The following CALU variants were observed in gnomAD, a reference collection of about 807,000 sequenced individuals.
The protein encoded by CALU is calumenin.
CALU carries 13 observed loss-of-function variants against 37.5 expected under a neutral mutation model. That is an observed-to-expected ratio of 0.35 (90% CI 0.23 to 0.55). CALU has a LOEUF of 0.55. CALU is among the 20% of genes least tolerant of loss of function. The pLI is 0.89. For missense variants in CALU, 282 were observed against 391.7 expected (o/e 0.72, Z 2.36); for synonymous variants, 114 against 133.8 (o/e 0.85, Z 1.02).
chr7:128,767,995 C>T (rs1204810425), intron 6 of CALU, among the ~76,000 whole-genome samples: 1 of 151,994 alleles, frequency 6.6e-6, no homozygotes, highest in South Asian at 2.1e-4. Flanking sequence ...TTACCTATTA[C>T]AGGCCCATTC....
At chr7:128,757,290 G>A (rs1800922100) in intron 3 of CALU, among the ~76,000 whole-genome samples, 1 of 151,938 alleles carries the variant, frequency 6.6e-6, no homozygotes, top group South Asian at 2.1e-4. Flanking sequence ...TTGTTTAGAA[G>A]AGACACTTTA....
In CALU at chr7:128,773,362, G is replaced by A. The variant is rs1222325216; in HGVS notation, c.*4195G>A. On this transcript the variant is annotated 3_prime_UTR_variant, in exon 7 of 7. Coordinates refer to ENST00000249364, the MANE Select transcript of CALU (RefSeq NM_001219.5). ...ACATAGGTAAACGTGTGCCATGGTG[G>A]TTTGCTGCACGAGTTTTTCAATAAA... is the stretch of plus-strand genomic sequence containing the variant. Among the ~76,000 whole-genome samples, 1 of 152,152 alleles carries A rather than the reference G, an allele frequency of 6.6e-6. No homozygotes were observed. The highest frequency in any genetic ancestry group is 2.4e-5 in the African/African-American group (1 of 41,430).
chr7:128,754,784 C>T (rs1475856224), intron 3 of CALU: 1 of 994,922 alleles, frequency 1.0e-6, no homozygotes, highest in Non-Finnish European at 1.5e-6. Flanking sequence ...ACAAATGGGT[C>T]ACACAGTAAA....
At chr7:128,760,577 T>C (rs1801072025) in intron 5 of CALU, among the ~76,000 whole-genome samples, 1 of 152,108 alleles carries the variant, frequency 6.6e-6, no homozygotes, top group South Asian at 2.1e-4. Flanking sequence ...ACAGCACAGA[T>C]ATAGTGTATC....
intron 5 of CALU, among the ~76,000 whole-genome samples, chr7:128,761,968 A>G (rs1340477950): frequency 1.3e-5 from 2 of 151,928 alleles, no homozygotes; most frequent in Non-Finnish European, 2.9e-5. Context: ...CCCTTTTCTT[A>G]GGTTCAGTGG....
At chr7:128,753,308 A>G (rs575733172) in intron 2 of CALU, among the ~76,000 whole-genome samples, 1 of 152,388 alleles carries the variant, frequency 6.6e-6, no homozygotes, top group African/African-American at 2.4e-5. Flanking sequence ...TTTGACTTCA[A>G]CTTCATATTC....
chr7:128,750,237 A>AAAAG (rs869115787), intron 2 of CALU, among the ~76,000 whole-genome samples: 1 of 99,986 alleles, frequency 1.0e-5, no homozygotes, highest in Non-Finnish European at 2.5e-5. Context: ...AAAAAAAAAA[A>AAAAG]AAAGAAAATA....
chr7:128,747,125 TTC>T (rs1270549338), intron 1 of CALU, among the ~76,000 whole-genome samples: 1 of 137,740 alleles, frequency 7.3e-6, no homozygotes, highest in East Asian at 1.9e-4. Flanking sequence ...ATTTTACCAA[TTC>T]TCTGTTTTTA....
At chr7:128,768,223 G>A (rs1042786264) in intron 6 of CALU, among the ~76,000 whole-genome samples, 9 of 151,954 alleles carry the variant, frequency 5.9e-5, no homozygotes, top group African/African-American at 1.5e-4. Flanking sequence ...GCTGAAAATC[G>A]GTCTAAAGAT....
intron 1 of CALU, chr7:128,747,893 G>A (rs1192906602): frequency 6.4e-6 from 1 of 155,896 alleles, no homozygotes; most frequent in African/African-American, 2.4e-5. Context: ...GCAAGTATGG[G>A]AAACAACTGT....
intron 2 of CALU, among the ~76,000 whole-genome samples, chr7:128,750,082 G>A (rs1233083060): frequency 6.6e-6 from 1 of 151,948 alleles, no homozygotes; most frequent in Non-Finnish European, 1.5e-5. Context: ...AAAAAAATTA[G>A]CCGGGCGTGG....
rs1164775570 is a variant in CALU at position 128,772,242 on chromosome 7, T to C, written c.*3075T>C. 6.6e-6 allele frequency among the ~76,000 whole-genome samples: 1 copy of C among 152,170 alleles called. No homozygotes were observed. Among genetic ancestry groups the C allele is most frequent in the Admixed American group, 6.5e-5 (1 of 15,286 alleles). Reference sequence around the variant, plus strand: ...TGAAAACTTAAAGCATATTCCTTTTTGGTTGCCTTGTATGTAGAAATCAGT... The same window carrying C: ...TGAAAACTTAAAGCATATTCCTTTTCGGTTGCCTTGTATGTAGAAATCAGT... On this transcript the variant is annotated 3_prime_UTR_variant, in exon 7 of 7. Coordinates refer to ENST00000249364, the MANE Select transcript of CALU (RefSeq NM_001219.5).
intron 2 of CALU, among the ~76,000 whole-genome samples, chr7:128,751,074 G>A (rs1209666830): frequency 6.6e-6 from 1 of 151,886 alleles, no homozygotes; most frequent in Non-Finnish European, 1.5e-5. Flanking sequence ...CAGTTTATGA[G>A]GTCAAGAGAT....
intron 5 of CALU, among the ~76,000 whole-genome samples, chr7:128,767,211 G>C (rs981427964): frequency 6.6e-6 from 1 of 152,226 alleles, no homozygotes; most frequent in African/African-American, 2.4e-5. Flanking sequence ...CATTTATTAA[G>C]GTATAAGAAC....
rs2128884930 is a variant in CALU at position 128,771,847 on chromosome 7, A to G, written c.*2680A>G. 1 of 152,520 alleles carries G rather than the reference A, an allele frequency of 6.6e-6. No homozygotes were observed. Among genetic ancestry groups the G allele is most frequent in the Admixed American group, 6.5e-5 (1 of 15,320 alleles). The allele number at this position is 152,520 out of a possible 1,614,324, so 9.4% of individuals were successfully genotyped here. ...TTACAAATGTTATTAAAACATGCAA[A>G]TTCATTTTGAGAACCTCGAGAGAAT... On this transcript the variant is annotated 3_prime_UTR_variant, in exon 7 of 7. Coordinates refer to ENST00000249364, the MANE Select transcript of CALU (RefSeq NM_001219.5).
intron 3 of CALU, among the ~76,000 whole-genome samples, chr7:128,755,817 A>G (rs1402645882): frequency 1.3e-5 from 2 of 152,178 alleles, no homozygotes; most frequent in Non-Finnish European, 2.9e-5. Context: ...AATGAATATA[A>G]ATGGTACTTT....
At chr7:128,748,452 A>G in intron 1 of CALU, 121 bp from the exon 2 acceptor site, 2 of 1,197,402 alleles carry the variant, frequency 1.7e-6, no homozygotes, top group South Asian at 1.4e-5. Flanking sequence ...GGGATAATAT[A>G]AAAGACTTGC....
chr7:128,769,726 A>G lies in CALU; in HGVS notation c.*559A>G, dbSNP rs1443509108. ...ACATTCAGTTGCTATAGGTCCAGCA[A>G]CTGAACCTGCCATTACCTGGGCAAG... is the stretch of plus-strand genomic sequence containing the variant. On this transcript the variant is annotated 3_prime_UTR_variant, in exon 7 of 7. Transcript: ENST00000249364. 6.6e-6 allele frequency: 1 copy of G among 152,244 alleles called. No homozygotes were observed. The highest frequency in any genetic ancestry group is 1.5e-5 in the Non-Finnish European group (1 of 68,076). 9.4% of individuals were successfully genotyped at this position (152,244 alleles called of 1,614,324 possible). A position where few individuals can be genotyped will look rare whatever the true frequency, so the allele number is the denominator to read the frequency against.
intron 5 of CALU, among the ~76,000 whole-genome samples, chr7:128,764,149 C>T (rs1004643292): frequency 7.2e-5 from 11 of 151,954 alleles, no homozygotes; most frequent in African/African-American, 2.7e-4. Flanking sequence ...TCTGTTGGGC[C>T]GGATGCCGTA....
Sources: gnomAD v4.1 joint callset for allele counts (sites outside exome capture counted in the v4.1 genomes callset) on GRCh38, gnomAD v4.1.1 for gene constraint, MANE v1.5 for transcripts, NCBI Gene and HGNC (gene_info 2026-07-23, HGNC 2026-07-21) for gene names.